FBXW4: variants seen among roughly 807,000 people sequenced by gnomAD.
The protein encoded by FBXW4 is F-box/WD repeat-containing protein 4.
In FBXW4, 40 loss-of-function variants were observed where a neutral mutation model predicts 61.8. The ratio of observed to expected loss-of-function variants is 0.65; its 90% CI spans 0.50 to 0.84. The LOEUF (loss-of-function observed/expected upper bound fraction) is 0.84, where lower values mean the gene tolerates loss of function less well. Ranked by LOEUF, FBXW4 falls within the 40% of genes least tolerant of loss-of-function variation. The pLI is 0.00. For synonymous variants in FBXW4, 311 were observed against 313.8 expected, an observed-to-expected ratio of 0.99 and a Z score of 0.10; for missense variants, 672 against 753.8, an observed-to-expected ratio of 0.89 and a Z score of 1.27.
chr10:101,660,773 A>T (rs1327673379), intron 5 of FBXW4, among the ~76,000 whole-genome samples: 2 of 152,092 alleles, frequency 1.3e-5, no homozygotes, highest in East Asian at 3.9e-4. Context: ...TGGAGCCAGG[A>T]GGTGTAGGCA....
chr10:101,650,632 C>T (rs1422366968), intron 5 of FBXW4, among the ~76,000 whole-genome samples: 2 of 152,170 alleles, frequency 1.3e-5, no homozygotes, highest in Non-Finnish European at 2.9e-5. Context: ...TTCTAGGCAC[C>T]CCACAGTGGT....
chr10:101,683,346 C>G (rs2064499318), intron 1 of FBXW4, among the ~76,000 whole-genome samples: 1 of 152,258 alleles, frequency 6.6e-6, no homozygotes, highest in South Asian at 2.1e-4. Context: ...CTGCCATTTT[C>G]CCAGCCCTCC....
At chr10:101,640,484 C>CTTTTTTTTTTTTTTTTTTT (rs386372272) in intron 5 of FBXW4, among the ~76,000 whole-genome samples, 3 of 83,874 alleles carry the variant, frequency 3.6e-5, no homozygotes, top group South Asian at 5.2e-4. Flanking sequence ...CTTTCTTTCT[C>CTTTTTTTTTTTTTTTTTTT]TTTTTTTTTT....
chr10:101,659,229 C>T (rs1283780630), intron 5 of FBXW4, among the ~76,000 whole-genome samples: 1 of 152,136 alleles, frequency 6.6e-6, no homozygotes, highest in East Asian at 1.9e-4. Flanking sequence ...CACTCCCCTT[C>T]GGCAAGACCC....
At chr10:101,625,504 A>G (rs539390401) in intron 5 of FBXW4, 1 of 152,430 alleles carries the variant, frequency 6.6e-6, no homozygotes, top group African/African-American at 2.4e-5. Flanking sequence ...GAGGCACACG[A>G]GAAGGAGCAG....
intron 1 of FBXW4, among the ~76,000 whole-genome samples, chr10:101,679,854 A>G (rs1564925357): frequency 6.6e-6 from 1 of 152,104 alleles, no homozygotes; most frequent in Non-Finnish European, 1.5e-5. Context: ...CGTACACTGT[A>G]CCCAGTAGGT....
At chr10:101,682,517 T>A (rs2064489147) in intron 1 of FBXW4, among the ~76,000 whole-genome samples, 1 of 152,178 alleles carries the variant, frequency 6.6e-6, no homozygotes, top group South Asian at 2.1e-4. Context: ...TTCTCTTGAA[T>A]TAGGTCTAAA....
chr10:101,651,959 C>A (rs1043898494), intron 5 of FBXW4, among the ~76,000 whole-genome samples: 1 of 152,106 alleles, frequency 6.6e-6, no homozygotes, highest in Non-Finnish European at 1.5e-5. Context: ...TGTGTAAATT[C>A]TTTTGACCTG....
chr10:101,637,719 A>G (rs1288504837), intron 5 of FBXW4, among the ~76,000 whole-genome samples: 1 of 144,574 alleles, frequency 6.9e-6, no homozygotes, highest in Non-Finnish European at 1.5e-5. Context: ...AAAAAAAAAA[A>G]AAAGGTCACT....
At chr10:101,628,487 C>T (rs766424276) in intron 5 of FBXW4, among the ~76,000 whole-genome samples, 1 of 152,142 alleles carries the variant, frequency 6.6e-6, no homozygotes, top group Non-Finnish European at 1.5e-5. Flanking sequence ...CAGTGCCTGG[C>T]CCAGAGAAGG....
Position 101,620,495 on chromosome 10 carries a change from C to G in FBXW4, c.1301+4250G>C, listed in dbSNP as rs140018569. 2.0e-5 allele frequency among the ~76,000 whole-genome samples: 3 copies of G among 152,282 alleles called. No homozygotes were observed. In the East Asian group the frequency reaches 5.8e-4, roughly 29 times the overall value. ...GCCTGGTTCCTCCCAGTGGATGAAC[C>G]TGGGGCTGGAGAGAAGGCACTGCCA... On this transcript the variant is annotated intron_variant, in intron 6 of 8. Transcript: ENST00000331272.
intron 5 of FBXW4, among the ~76,000 whole-genome samples, chr10:101,634,091 TA>T (rs1187137668): frequency 6.6e-6 from 1 of 151,704 alleles, no homozygotes; most frequent in Non-Finnish European, 1.5e-5. Context: ...CCAGCCTGGG[TA>T]ACAGAGCAAG....
intron 5 of FBXW4, among the ~76,000 whole-genome samples, chr10:101,655,396 T>G (rs73351221): frequency 0.027 from 4,101 of 152,168 alleles, 186 homozygotes; most frequent in African/African-American, 0.09. Context: ...TAATTTGTGG[T>G]TTTTTTTCCT....
chr10:101,669,042 G>A (rs1352078428), intron 4 of FBXW4, among the ~76,000 whole-genome samples: 9 of 152,160 alleles, frequency 5.9e-5, no homozygotes, highest in Admixed American at 5.9e-4. Flanking sequence ...ATGGAGTAGG[G>A]GTGGTCCTGC....
chr10:101,663,170 C>T (rs993244894), intron 5 of FBXW4, among the ~76,000 whole-genome samples: 2 of 152,158 alleles, frequency 1.3e-5, no homozygotes, highest in Non-Finnish European at 2.9e-5. Flanking sequence ...TCAATTTTTG[C>T]CTTTCCCCAG....
rs2063989331 is a variant in FBXW4, at chr10:101,635,016, G to A, written c.1236-10206C>T. Among the ~76,000 whole-genome samples the A allele has an allele frequency of 1.4e-5, 2 of 140,050 alleles. 1 individual carries two copies. Among genetic ancestry groups the A allele is most frequent in the Admixed American group, 1.4e-4 (2 of 14,248 alleles). The allele number at this position is 140,050 out of a possible 152,430, so 91.9% of individuals were successfully genotyped here. On this transcript the variant is annotated intron_variant, in intron 5 of 8. Transcript: ENST00000331272. ...ACCTGTACCAGTCCATGGCCTGTTAGCAACCAGGACGCACAGTAGGAGGTA... is the reference window on the plus strand; with the variant it reads ...ACCTGTACCAGTCCATGGCCTGTTAACAACCAGGACGCACAGTAGGAGGTA...
At chr10:101,685,091 C>A (rs1317936823) in intron 1 of FBXW4, among the ~76,000 whole-genome samples, 1 of 152,184 alleles carries the variant, frequency 6.6e-6, no homozygotes, top group Non-Finnish European at 1.5e-5. Context: ...CCCACACTTT[C>A]ACCTATACTG....
chr10:101,659,539 C>A, intron 5 of FBXW4: 6 of 451,600 alleles, frequency 1.3e-5, no homozygotes, highest in Non-Finnish European at 1.8e-5. Context: ...CAATGAGATG[C>A]TTCATGTGTG....
intron 4 of FBXW4, among the ~76,000 whole-genome samples, chr10:101,668,526 G>GT (rs1426623156): frequency 6.6e-6 from 1 of 152,180 alleles, no homozygotes; most frequent in African/African-American, 2.4e-5. Context: ...TTGTTTGTTT[G>GT]TTGATAATGC....
Sources: gnomAD v4.1 joint callset for allele counts (sites outside exome capture counted in the v4.1 genomes callset) on GRCh38, gnomAD v4.1.1 for gene constraint, MANE v1.5 for transcripts, NCBI Gene and HGNC (gene_info 2026-07-23, HGNC 2026-07-21) for gene names.